Variants in CDH22 observed in about 807,000 individuals in gnomAD.
CDH22 encodes cadherin 22, also known as cadherin-22.
Under a neutral mutation model 58.4 loss-of-function variants are expected in CDH22, and 30 were observed. The observed-to-expected ratio is 0.51, with a 90% confidence interval of 0.38 to 0.70. The LOEUF (loss-of-function observed/expected upper bound fraction) is 0.70, where lower values mean the gene tolerates loss of function less well. Among genes scored for constraint, CDH22 ranks in the 30% least tolerant of loss-of-function variants. CDH22 has a pLI of 0.00. For synonymous variants in CDH22, 513 were observed against 558.2 expected (o/e 0.92, Z 1.14); for missense variants, 1,014 against 1,233.9 (o/e 0.82, Z 2.67).
At position 46,227,510 on chromosome 20, in the gene CDH22, G is replaced by C. The variant is rs1167553446; in HGVS notation, c.668C>G (p.Thr223Ser). ...GEHHFTVDPK[T>S]GVIRTAVPDL... ...TCTGGCCCCGCCCTGCCCCTCACCG[G>C]TCTTGGGGTCCACGGTGAAGTGGTG... The change falls in exon 4 of 12, where the codon ACC becomes AGC. Residue 223 changes from threonine (T) to serine (S), a missense_variant and splice_region_variant. By Grantham distance (58) the Thr-to-Ser change is moderately conservative (BLOSUM62 1). Coordinates refer to ENST00000537909, the MANE Select transcript of CDH22 (RefSeq NM_021248.3). 9.5e-6 allele frequency: 15 copies of C among 1,580,684 alleles called. No homozygotes were observed. Among genetic ancestry groups the C allele is most frequent in the East Asian group, 4.7e-5 (2 of 42,716 alleles).
chr20:46,221,543 G>A lies in CDH22; in HGVS notation c.671-4550C>T, dbSNP rs144379177. 1.2e-3 allele frequency among the ~76,000 whole-genome samples: 187 copies of A among 152,298 alleles called. 3 individuals carry two copies. The highest frequency in any genetic ancestry group is 4.2e-3 in the African/African-American group (174 of 41,552). ...AGGACTGTGTTCCAGGACAGTAAAC[G>A]TGAAAGCTGCAAGGTCTCTTAAGGC... On this transcript the variant is annotated intron_variant, in intron 4 of 11. Coordinates refer to ENST00000537909, the MANE Select transcript of CDH22 (RefSeq NM_021248.3).
At chr20:46,290,233 A>T (rs2086594714) in intron 1 of CDH22, among the ~76,000 whole-genome samples, 1 of 152,226 alleles carries the variant, frequency 6.6e-6, no homozygotes, top group African/African-American at 2.4e-5. Flanking sequence ...ACTATGAGAC[A>T]GAAGCTCACA....
intron 10 of CDH22, among the ~76,000 whole-genome samples, chr20:46,185,084 T>TCAAACAAACAAACAAACAAA (rs139877494): frequency 1.3e-5 from 2 of 149,134 alleles, no homozygotes; most frequent in Admixed American, 1.3e-4. Context: ...AGATGCTGTC[T>TCAAACAAACAAACAAACAAA]CAAACAAACA....
intron 11 of CDH22, among the ~76,000 whole-genome samples, chr20:46,177,026 T>TG (rs1040257565): frequency 2.0e-5 from 3 of 150,892 alleles, no homozygotes; most frequent in African/African-American, 4.9e-5. Flanking sequence ...TGGGCTAGGG[T>TG]GGGGGGAGAA....
chr20:46,257,649 A>C (rs969424930), intron 1 of CDH22, among the ~76,000 whole-genome samples: 1 of 152,204 alleles, frequency 6.6e-6, no homozygotes, highest in Non-Finnish European at 1.5e-5. Flanking sequence ...GGACAGGTTA[A>C]ACCCCGAAAG....
intron 1 of CDH22, among the ~76,000 whole-genome samples, chr20:46,254,726 G>C (rs1358007562): frequency 6.6e-6 from 1 of 152,170 alleles, no homozygotes; most frequent in Non-Finnish European, 1.5e-5. Flanking sequence ...AAGGAATGGA[G>C]TGAGTGCGTT....
chr20:46,279,481 C>A (rs1235176805), intron 1 of CDH22, among the ~76,000 whole-genome samples: 5 of 152,190 alleles, frequency 3.3e-5, no homozygotes, highest in Non-Finnish European at 5.9e-5. Context: ...TATATGACAA[C>A]ATTGATAGCT....
chr20:46,265,591 G>C (rs984531018), intron 1 of CDH22, among the ~76,000 whole-genome samples: 2 of 151,960 alleles, frequency 1.3e-5, no homozygotes, highest in Non-Finnish European at 1.5e-5. Flanking sequence ...ATGCATTTCT[G>C]ACCATCTTAG....
Position 46,216,932 on chromosome 20 carries a change from C to T in CDH22, c.732G>A (p.Val244=), listed in dbSNP as rs761327700. Residue 244 remains valine (V), a synonymous_variant, in exon 5 of 12, where the codon GTG becomes GTA. Transcript: ENST00000537909. The surrounding 1 kb of genome is among the most constrained non-coding windows in gnomAD (Gnocchi z 5.3). The stretch of plus-strand genomic sequence containing the variant: ...GACCCGCCATGTCTGTGGCCTGGAT[C>T]ACCACCTCGTAGCGCTCCTGGCTCT... ...DRESQERYEV[V]IQATDMAGQL... 6.2e-7 allele frequency: 1 copy of T among 1,610,202 alleles called. No individual in the cohort carries two copies. Among genetic ancestry groups the T allele is most frequent in the African/African-American group, 1.3e-5 (1 of 74,942 alleles).
intron 4 of CDH22, among the ~76,000 whole-genome samples, chr20:46,221,280 CTTT>C (rs67025636): frequency 1.2e-4 from 15 of 122,600 alleles, no homozygotes; most frequent in Non-Finnish European, 1.2e-4. Context: ...TTTTTTTTTT[CTTT>C]TTTTTTTTTT....
intron 8 of CDH22, among the ~76,000 whole-genome samples, chr20:46,187,687 C>T (rs569771829): frequency 6.6e-6 from 1 of 151,988 alleles, no homozygotes; most frequent in East Asian, 1.9e-4. Context: ...TACTATTACC[C>T]CCATCATAAT....
rs2085719001 is a variant in CDH22 at position 46,174,420 on chromosome 20, G to C, written c.*86C>G. 2.1e-6 allele frequency: 2 copies of C among 959,616 alleles called. No individual in the cohort carries two copies. Among genetic ancestry groups the C allele is most frequent in the Non-Finnish European group, 2.9e-6 (2 of 689,892 alleles). The allele number at this position is 959,616 out of a possible 1,614,324, so 59.4% of individuals were successfully genotyped here. A position where few individuals can be genotyped will look rare whatever the true frequency, so the allele number is the denominator to read the frequency against. On this transcript the variant is annotated 3_prime_UTR_variant, in exon 12 of 12. Transcript: ENST00000537909. This position sits in a 1 kb window ranked among gnomAD's most constrained non-coding sequence, Gnocchi z 4.4. ...GGAGGGTTGGGGGAGGGCAGGAAAG[G>C]GGGTCCGCGGGGGAAACGCGTTGTC...
At chr20:46,217,047 G>A in intron 4 of CDH22, 54 bp from the exon 5 acceptor site, 3 of 1,538,348 alleles carry the variant, frequency 2.0e-6, no homozygotes, top group Non-Finnish European at 1.8e-6. Context: ...GCCCACTGAT[G>A]TGGAGACCCC....
At chr20:46,189,555 T>A (rs2085849357) in intron 8 of CDH22, among the ~76,000 whole-genome samples, 1 of 152,148 alleles carries the variant, frequency 6.6e-6, no homozygotes, top group South Asian at 2.1e-4. Flanking sequence ...CAGGATGGAC[T>A]GCTGAGTGAG....
chr20:46,241,355 T>A lies in CDH22; in HGVS notation c.256-98A>T. 9.8e-7 allele frequency: 1 copy of A among 1,022,954 alleles called. No individual in the cohort carries two copies. Among genetic ancestry groups the A allele is most frequent in the Non-Finnish European group, 1.4e-6 (1 of 710,610 alleles). 63.4% of individuals were successfully genotyped at this position (1,022,954 alleles called of 1,614,324 possible). On this transcript the variant is annotated intron_variant, in intron 2 of 11. Coordinates refer to ENST00000537909, the MANE Select transcript of CDH22 (RefSeq NM_021248.3). The surrounding 1 kb of genome is among the most constrained non-coding windows in gnomAD (Gnocchi z 5.2). ...TTGGCTGCCTATTCCTAAGCCCATC[T>A]CTTCTCCAGCACATACACATCTTTA...
rs774356645 is a variant in CDH22 at position 46,213,063 on chromosome 20, T to C, written c.964A>G (p.Ser322Gly). Residue 322 changes from serine to glycine, a missense_variant, in exon 6 of 12, where the codon AGC (serine) becomes GGC (glycine). This residue lies in a region of CDH22 where 806 missense variants were observed against 1,038.7 expected (regional missense o/e 0.78). Coordinates refer to ENST00000537909, the MANE Select transcript of CDH22 (RefSeq NM_021248.3). The part of the protein sequence containing the change: ...MTYHLKDESS[S>G]GGDVFKVTTD... ...GTGACCTTGAACACATCGCCGCCGCTGCTGCTCTCGTCCTTAAGGTGGTAA... is the reference window on the plus strand; with the variant it reads ...GTGACCTTGAACACATCGCCGCCGCCGCTGCTCTCGTCCTTAAGGTGGTAA... The C allele has an allele frequency of 5.0e-6, 8 of 1,614,084 alleles. No homozygotes were observed. The highest frequency in any genetic ancestry group is 1.7e-5 in the Admixed American group (1 of 60,010).
Position 46,241,299 on chromosome 20 carries a change from A to G in CDH22, c.256-42T>C. The G allele has an allele frequency of 6.6e-7, 1 of 1,524,862 alleles. No homozygotes were observed. The allele number at this position is 1,524,862 out of a possible 1,614,324, so 94.5% of individuals were successfully genotyped here. Reference sequence around the variant, plus strand: ...GAAGGCAAGGTGGAGGCTGAGAAGGAAGCTCCTCTTGGCCTCACTGTCTCA... The same window carrying G: ...GAAGGCAAGGTGGAGGCTGAGAAGGGAGCTCCTCTTGGCCTCACTGTCTCA... On this transcript the variant is annotated intron_variant, in intron 2 of 11. Transcript: ENST00000537909. The surrounding 1 kb of genome is among the most constrained non-coding windows in gnomAD (Gnocchi z 5.2).
At chr20:46,298,634 G>A (rs1444249955) in intron 1 of CDH22, among the ~76,000 whole-genome samples, 1 of 152,060 alleles carries the variant, frequency 6.6e-6, no homozygotes, top group Non-Finnish European at 1.5e-5. Flanking sequence ...ATGGATTGAT[G>A]AATGGGTGGA....
chr20:46,185,084 T>TCAAA (rs139877494), intron 10 of CDH22, among the ~76,000 whole-genome samples: 75 of 149,240 alleles, frequency 5.0e-4, no homozygotes, highest in Middle Eastern at 3.4e-3. Flanking sequence ...AGATGCTGTC[T>TCAAA]CAAACAAACA....
Sources: allele counts gnomAD v4.1 joint callset (sites outside exome capture counted in the v4.1 genomes callset), GRCh38; gene constraint gnomAD v4.1.1; regional missense constraint gnomAD v4.1.1; non-coding constraint Gnocchi (gnomAD v3.1); transcripts MANE v1.5; gene names NCBI Gene and HGNC (gene_info 2026-07-23, HGNC 2026-07-21).